Variants in RET observed in about 807,000 individuals in gnomAD.
The protein encoded by RET is ret proto-oncogene.
RET carries 19 observed loss-of-function variants against 118.3 expected under a neutral mutation model. That is an observed-to-expected ratio of 0.16 (90% CI 0.11 to 0.24). The LOEUF (loss-of-function observed/expected upper bound fraction) is 0.24, where lower values mean the gene tolerates loss of function less well. Ranked by LOEUF, RET falls within the 10% of genes least tolerant of loss-of-function variation. The pLI, the probability that RET is intolerant of heterozygous loss-of-function variation, is 1.00. For synonymous variants in RET, 597 were observed against 644.1 expected, an observed-to-expected ratio of 0.93 and a Z score of 1.11; for missense variants, 1,219 against 1,502.1, an observed-to-expected ratio of 0.81 and a Z score of 3.12.
intron 19 of RET, chr10:43,127,485 T>C (rs2565200): frequency 0.83 from 854,192 of 1,032,618 alleles, 355,142 homozygotes; most frequent in African/African-American, 0.95. Flanking sequence ...CTTTTGTCTT[T>C]GATTAAATAC....
At chr10:43,081,509 C>A (rs962477658) in intron 1 of RET, among the ~76,000 whole-genome samples, 20 of 152,164 alleles carry the variant, frequency 1.3e-4, no homozygotes, top group Non-Finnish European at 5.9e-5. Flanking sequence ...GGGCAGTGAC[C>A]ACCAGGCAGG....
In RET at chr10:43,128,793, C is replaced by T. The variant is rs1838389072; in HGVS notation, c.*524C>T. 3.8e-6 allele frequency: 1 copy of T among 262,480 alleles called. No homozygotes were observed. The highest frequency in any genetic ancestry group is 2.2e-5 in the African/African-American group (1 of 45,864). 16.3% of individuals were successfully genotyped at this position (262,480 alleles called of 1,614,324 possible). Reference sequence around the variant, plus strand: ...GCCTGGGGGTAGTGTCAATGCCCCTCCAGGGCTGGAGGGGAAGAGGGGCCC... The same window carrying T: ...GCCTGGGGGTAGTGTCAATGCCCCTTCAGGGCTGGAGGGGAAGAGGGGCCC... On this transcript the variant is annotated 3_prime_UTR_variant, in exon 20 of 20. Transcript: ENST00000355710.
chr10:43,116,978 A>G (rs1174792070), intron 12 of RET, among the ~76,000 whole-genome samples: 1 of 152,240 alleles, frequency 6.6e-6, no homozygotes, highest in Non-Finnish European at 1.5e-5. Context: ...TAAACATTTA[A>G]AAAGCCCTTT....
rs1319934228 is a variant in RET at position 43,119,755 on chromosome 10, T to C, written c.2607+10T>C. ...TCTGGCCGAGATGAAGGTGCGTGCATATGGCTCTGCACCCAGCCAGCCCCG... is the reference window on the plus strand; with the variant it reads ...TCTGGCCGAGATGAAGGTGCGTGCACATGGCTCTGCACCCAGCCAGCCCCG... On this transcript the variant is annotated intron_variant, in intron 14 of 19. Transcript: ENST00000355710. 6.2e-7 allele frequency: 1 copy of C among 1,611,738 alleles called. No homozygotes were observed. The highest frequency in any genetic ancestry group is 8.5e-7 in the Non-Finnish European group (1 of 1,179,366).
intron 1 of RET, among the ~76,000 whole-genome samples, chr10:43,083,251 G>T (rs2132538226): frequency 6.6e-6 from 1 of 152,320 alleles, no homozygotes; most frequent in African/African-American, 2.4e-5. Context: ...CATACAGGAT[G>T]CCCCACAGCA....
At chr10:43,081,934 G>A (rs1022848351) in intron 1 of RET, among the ~76,000 whole-genome samples, 4 of 152,212 alleles carry the variant, frequency 2.6e-5, no homozygotes, top group Non-Finnish European at 4.4e-5. Flanking sequence ...GGCAGCCCCT[G>A]AGGTCCTGCT....
At chr10:43,107,602 C>G (rs1281256219) in intron 5 of RET, among the ~76,000 whole-genome samples, 1 of 145,904 alleles carries the variant, frequency 6.9e-6, no homozygotes, top group African/African-American at 2.5e-5. Context: ...CACACACACA[C>G]CCTGTTACCC....
rs1395130256 is a variant in RET, at chr10:43,106,365, G to T, written c.868-11G>T. On this transcript the variant is annotated splice_polypyrimidine_tract_variant and intron_variant, in intron 4 of 19. Transcript: ENST00000355710. This position sits in a 1 kb window ranked among gnomAD's most constrained non-coding sequence, Gnocchi z 5.1. ...TCGCCTGCACTGACCAACGCCCTCTGCATCCTGCAGGACACCGTGGTGGCC... is the reference window on the plus strand; with the variant it reads ...TCGCCTGCACTGACCAACGCCCTCTTCATCCTGCAGGACACCGTGGTGGCC... 10 of 1,607,924 alleles carry T rather than the reference G, an allele frequency of 6.2e-6. No homozygotes were observed. The highest frequency in any genetic ancestry group is 8.5e-6 in the Non-Finnish European group (10 of 1,179,802).
At chr10:43,098,257 G>C (rs1275557614) in intron 1 of RET, among the ~76,000 whole-genome samples, 1 of 152,036 alleles carries the variant, frequency 6.6e-6, no homozygotes, top group African/African-American at 2.4e-5. Flanking sequence ...TCTCCCCCAA[G>C]CCCTAGCAAT....
In RET at chr10:43,116,491, A is replaced by G. The variant is rs768759639; in HGVS notation, c.2137-93A>G. 19 of 1,474,516 alleles carry G rather than the reference A, an allele frequency of 1.3e-5. No individual in the cohort carries two copies. In the Admixed American group the frequency reaches 2.2e-4, roughly 17 times the overall value. 91.3% of individuals were successfully genotyped at this position (1,474,516 alleles called of 1,614,324 possible). On this transcript the variant is annotated intron_variant, in intron 11 of 19. Coordinates refer to ENST00000355710, the MANE Select transcript of RET (RefSeq NM_020975.6). ...GTTCTCTGCACATTGGAACTTGTCC[A>G]TGGGGCCTCCTTTAAGGGTCTTGCC...
intron 10 of RET, 95 bp downstream of exon 10, chr10:43,113,770 G>A (rs934560519): frequency 5.8e-6 from 9 of 1,539,122 alleles, no homozygotes; most frequent in African/African-American, 1.4e-5. Flanking sequence ...AAATTGCTGG[G>A]AGGCGAGTGG....
chr10:43,121,952 A>C lies in RET; in HGVS notation c.2737A>C (p.Ile913Leu), dbSNP rs759637689. The C allele has an allele frequency of 6.2e-7, 1 of 1,612,694 alleles. No individual in the cohort carries two copies. The highest frequency in any genetic ancestry group is 1.7e-5 in the Admixed American group (1 of 60,020). The change falls in exon 16 of 20, where the codon ATT (isoleucine) becomes CTT (leucine). Residue 913 changes from isoleucine to leucine, a missense_variant. Transcript: ENST00000355710. ...DSYVKRSQGR[I>L]PVKWMAIESL... is the part of the protein sequence containing the mutation. ...TATTCCATCTTCTCTTTAGGGTCGG[A>C]TTCCAGTTAAATGGATGGCAATTGA...
chr10:43,079,008 G>C (rs779575515), intron 1 of RET, among the ~76,000 whole-genome samples: 1 of 152,182 alleles, frequency 6.6e-6, no homozygotes, highest in African/African-American at 2.4e-5. Context: ...GGTTCGAGCC[G>C]CACTCTTGGA....
intron 12 of RET, 106 bp from the exon 13 acceptor site, chr10:43,118,267 C>G: frequency 1.2e-6 from 1 of 862,134 alleles, no homozygotes; most frequent in Non-Finnish European, 1.9e-6. Context: ...GCAGGCCTCT[C>G]TGTCTGAACT....
Position 43,077,163 on chromosome 10 carries a change from G to A in RET, c.-96G>A, listed in dbSNP as rs1837060397. On this transcript the variant is annotated 5_prime_UTR_variant, in exon 1 of 20. Transcript: ENST00000355710. ...CCGTCGCGTCCGCCGCGCCCCGGGC[G>A]GGGATGGGGCGGCCAGACTGAGCGC... 1.5e-6 allele frequency: 2 copies of A among 1,322,576 alleles called. No individual in the cohort carries two copies. Among genetic ancestry groups the A allele is most frequent in the Non-Finnish European group, 9.6e-7 (1 of 1,039,060 alleles). The allele number at this position is 1,322,576 out of a possible 1,614,324, so 81.9% of individuals were successfully genotyped here.
At chr10:43,116,840 T>A in intron 12 of RET, 109 bp downstream of exon 12, 1 of 1,390,140 alleles carries the variant, frequency 7.2e-7, no homozygotes, top group Non-Finnish European at 9.8e-7. Context: ...AATGCTGTTC[T>A]AGAGCGGCTG....
At chr10:43,107,781 A>G (rs1330731463) in intron 5 of RET, among the ~76,000 whole-genome samples, 1 of 152,114 alleles carries the variant, frequency 6.6e-6, no homozygotes, top group African/African-American at 2.4e-5. Flanking sequence ...CAGGAGTTAC[A>G]AGCAAGGACA....
At chr10:43,100,874 CTG>C (rs1245921052) in intron 2 of RET, 152 bp downstream of exon 2, 4 of 847,424 alleles carry the variant, frequency 4.7e-6, no homozygotes, top group African/African-American at 3.3e-5. Context: ...TGGCCTGCCT[CTG>C]TGTCCAGCCT....
chr10:43,129,117 T>C lies in RET; in HGVS notation c.*848T>C, dbSNP rs1423407683. ...GGGGCTGTTGGAGTCCCAGAATTGC[T>C]GACAGCAGAGGCTTTGCTGCTGTGA... On this transcript the variant is annotated 3_prime_UTR_variant, in exon 20 of 20. Coordinates refer to ENST00000355710, the MANE Select transcript of RET (RefSeq NM_020975.6). 1 of 233,484 alleles carries C rather than the reference T, an allele frequency of 4.3e-6. No homozygotes were observed. The highest frequency in any genetic ancestry group is 8.5e-6 in the Non-Finnish European group (1 of 118,212). 14.5% of individuals were successfully genotyped at this position (233,484 alleles called of 1,614,324 possible). A position where few individuals can be genotyped will look rare whatever the true frequency, so the allele number is the denominator to read the frequency against.
Sources: gnomAD v4.1 joint callset for allele counts (sites outside exome capture counted in the v4.1 genomes callset) on GRCh38, gnomAD v4.1.1 for gene constraint, Gnocchi (gnomAD v3.1) non-coding constraint, MANE v1.5 for transcripts, NCBI Gene and HGNC (gene_info 2026-07-23, HGNC 2026-07-21) for gene names.